Variants in CNTNAP2 observed in about 807,000 individuals in gnomAD.
CNTNAP2 encodes contactin associated protein 2.
CNTNAP2 carries 98 observed loss-of-function variants against 155.2 expected under a neutral mutation model. The observed-to-expected ratio is 0.63, with a 90% CI of 0.54 to 0.75. The LOEUF (loss-of-function observed/expected upper bound fraction) is 0.75. CNTNAP2 is among the 30% of genes least tolerant of loss of function. CNTNAP2 has a pLI of 0.00. For missense variants in CNTNAP2, 1,727 were observed against 1,688.1 expected (o/e 1.02, Z -0.40); for synonymous variants, 651 against 631.2 (o/e 1.03, Z -0.47).
intron 1 of CNTNAP2, among the ~76,000 whole-genome samples, chr7:146,534,130 C>G (rs769876517): frequency 7.9e-5 from 12 of 151,918 alleles, no homozygotes; most frequent in Admixed American, 3.9e-4. Context: ...CATTTGAAAG[C>G]CTTCTGATAC....
intron 13 of CNTNAP2, among the ~76,000 whole-genome samples, chr7:147,717,847 C>T (rs1324242447): frequency 6.6e-6 from 1 of 151,868 alleles, no homozygotes; most frequent in Admixed American, 6.6e-5. Context: ...TGCCACTGCA[C>T]TCCAGCCTGG....
chr7:147,929,036 G>A (rs1800449807), intron 14 of CNTNAP2, among the ~76,000 whole-genome samples: 1 of 135,838 alleles, frequency 7.4e-6, no homozygotes, highest in Non-Finnish European at 1.5e-5. Flanking sequence ...AGGTTGCAGT[G>A]AGCCGAGACT....
chr7:146,747,324 G>C (rs1396803712), intron 1 of CNTNAP2, among the ~76,000 whole-genome samples: 1 of 152,124 alleles, frequency 6.6e-6, no homozygotes, highest in Non-Finnish European at 1.5e-5. Context: ...AGAGATTAAG[G>C]ATATGGCGTA....
At chr7:147,179,177 C>A (rs978754133) in intron 8 of CNTNAP2, among the ~76,000 whole-genome samples, 1 of 152,056 alleles carries the variant, frequency 6.6e-6, no homozygotes, top group Non-Finnish European at 1.5e-5. Context: ...ATTCTTTCAA[C>A]AATTATATAG....
At chr7:148,367,355 C>T (rs562503879) in intron 21 of CNTNAP2, among the ~76,000 whole-genome samples, 1 of 152,018 alleles carries the variant, frequency 6.6e-6, no homozygotes, top group South Asian at 2.1e-4. Flanking sequence ...CATTTAAAAT[C>T]AGAAGAAAAA....
chr7:147,257,635 A>G (rs1004696547), intron 8 of CNTNAP2, among the ~76,000 whole-genome samples: 4 of 152,364 alleles, frequency 2.6e-5, no homozygotes, highest in Non-Finnish European at 5.9e-5. Flanking sequence ...TATTTCTCCA[A>G]TTCAAGTACA....
At chr7:147,826,436 G>A (rs1798451261) in intron 13 of CNTNAP2, among the ~76,000 whole-genome samples, 1 of 152,058 alleles carries the variant, frequency 6.6e-6, no homozygotes, top group African/African-American at 2.4e-5. Flanking sequence ...TTAAAGATTG[G>A]CTTATGTCTC....
chr7:147,800,973 G>A (rs1168401680), intron 13 of CNTNAP2, among the ~76,000 whole-genome samples: 1 of 152,160 alleles, frequency 6.6e-6, no homozygotes, highest in Non-Finnish European at 1.5e-5. Flanking sequence ...ATCCCATCTA[G>A]GTTTGTGTAA....
At chr7:148,196,903 G>T (rs1585181446) in intron 18 of CNTNAP2, among the ~76,000 whole-genome samples, 1 of 152,166 alleles carries the variant, frequency 6.6e-6, no homozygotes, top group African/African-American at 2.4e-5. Flanking sequence ...CAGGGTCCAG[G>T]CTCAAGGGAG....
intron 13 of CNTNAP2, among the ~76,000 whole-genome samples, chr7:147,738,051 G>C (rs374049719): frequency 6.6e-6 from 1 of 152,154 alleles, no homozygotes; most frequent in African/African-American, 2.4e-5. Flanking sequence ...ACAATCCCCA[G>C]TGAGATGAAC....
intron 3 of CNTNAP2, among the ~76,000 whole-genome samples, chr7:146,977,955 A>G (rs2129235767): frequency 6.6e-6 from 1 of 152,310 alleles, no homozygotes; most frequent in South Asian, 2.1e-4. Flanking sequence ...AAGACTGTGT[A>G]AAGAAATGGA....
At chr7:148,187,309 A>G (rs1795134468) in intron 18 of CNTNAP2, among the ~76,000 whole-genome samples, 1 of 152,228 alleles carries the variant, frequency 6.6e-6, no homozygotes, top group Non-Finnish European at 1.5e-5. Context: ...AGAGGAATAA[A>G]ACAAGGGATG....
At chr7:146,347,138 T>TAAAAAAAAAAAAAAAAAA (rs59530824) in intron 1 of CNTNAP2, among the ~76,000 whole-genome samples, 1 of 93,876 alleles carries the variant, frequency 1.1e-5, no homozygotes, top group African/African-American at 3.5e-5. Context: ...CCATACTCTG[T>TAAAAAAAAAAAAAAAAAA]AAAAAAAAAA....
intron 15 of CNTNAP2, among the ~76,000 whole-genome samples, chr7:147,988,784 G>C (rs1218708838): frequency 6.6e-6 from 1 of 152,154 alleles, no homozygotes; most frequent in Non-Finnish European, 1.5e-5. Context: ...TGAACTCTCT[G>C]ACCAATCTCT....
intron 22 of CNTNAP2, among the ~76,000 whole-genome samples, chr7:148,385,137 G>T (rs1412711093): frequency 6.6e-6 from 1 of 152,108 alleles, no homozygotes; most frequent in Non-Finnish European, 1.5e-5. Context: ...GTGATTCCTT[G>T]CCAGGGCTGT....
At chr7:146,915,172 T>G (rs1796368853) in intron 3 of CNTNAP2, among the ~76,000 whole-genome samples, 1 of 152,152 alleles carries the variant, frequency 6.6e-6, no homozygotes. Flanking sequence ...GTGGTCTACA[T>G]GACTGTTTTT....
At chr7:147,920,098 C>T (rs1800244749) in intron 14 of CNTNAP2, among the ~76,000 whole-genome samples, 1 of 151,800 alleles carries the variant, frequency 6.6e-6, no homozygotes, top group South Asian at 2.1e-4. Context: ...GTGGCTCATG[C>T]CTGTAATCCC....
chr7:146,627,927 A>G (rs1260291270), intron 1 of CNTNAP2, among the ~76,000 whole-genome samples: 8 of 152,088 alleles, frequency 5.3e-5, no homozygotes, highest in African/African-American at 1.7e-4. Flanking sequence ...GTTTTGTTCT[A>G]TTTGGTTTGG....
intron 13 of CNTNAP2, among the ~76,000 whole-genome samples, chr7:147,887,614 G>C (rs989118371): frequency 6.6e-6 from 1 of 152,186 alleles, no homozygotes; most frequent in Non-Finnish European, 1.5e-5. Context: ...GCCAGAAGCT[G>C]ACCTAAAGGC....
Sources: gnomAD v4.1 joint callset for allele counts (sites outside exome capture counted in the v4.1 genomes callset) on GRCh38, gnomAD v4.1.1 for gene constraint, MANE v1.5 for transcripts, NCBI Gene and HGNC (gene_info 2026-07-23, HGNC 2026-07-21) for gene names.